Variants in ZNF891 observed in about 807,000 individuals in gnomAD.
ZNF891 encodes the protein zinc finger protein 891, also known as hCG1646157.
For synonymous variants in ZNF891, 199 were observed against 209.0 expected, an observed-to-expected ratio of 0.95 and a Z score of 0.41; for missense variants, 589 against 632.7, an observed-to-expected ratio of 0.93 and a Z score of 0.74.
chr12:133,119,998 C>T lies in ZNF891; in HGVS notation c.*286G>A, dbSNP rs1324415769. 8.1e-6 allele frequency: 2 copies of T among 246,394 alleles called. No individual in the cohort carries two copies. The highest frequency in any genetic ancestry group is 2.3e-5 in the African/African-American group (1 of 44,444). 15.3% of individuals were successfully genotyped at this position (246,394 alleles called of 1,614,324 possible). A position where few individuals can be genotyped will look rare whatever the true frequency, so the allele number is the denominator to read the frequency against. ...CAGAAAACAACTTTTATAAAAACAC[C>T]AACAAAGCAGTAAAATATAGTCCAG... is the stretch of plus-strand genomic sequence containing the variant. On this transcript the variant is annotated 3_prime_UTR_variant, in exon 2 of 2. Transcript: ENST00000537226.
rs1955708148 is a variant in ZNF891, at chr12:133,115,122, G to A, written c.*5162C>T. ...GTTTAAAAAGATGTTGGATAGGCTG[G>A]GGGCGATGGCCTCACAATCCCAACA... On this transcript the variant is annotated 3_prime_UTR_variant, in exon 2 of 2. Coordinates refer to ENST00000537226, the MANE Select transcript of ZNF891 (RefSeq NM_001277291.2). 1 of 152,030 alleles carries A rather than the reference G, an allele frequency of 6.6e-6. No individual in the cohort carries two copies. The highest frequency in any genetic ancestry group is 6.6e-5 in the Admixed American group (1 of 15,258). 9.4% of individuals were successfully genotyped at this position (152,030 alleles called of 1,614,324 possible). A position where few individuals can be genotyped will look rare whatever the true frequency, so the allele number is the denominator to read the frequency against.
chr12:133,120,289 G>A lies in ZNF891; in HGVS notation c.1630C>T (p.Leu544=). The change falls in exon 2 of 2, where the codon CTG becomes TTG. Residue 544 remains leucine, a synonymous_variant. Transcript: ENST00000537226. ...HKRIHTERET[L] ...CAATTCCACATTCATAACACTTACA[G>A]GGTTTCTCTCTCAGTATGAATTCTC... 1 of 1,531,082 alleles carries A rather than the reference G, an allele frequency of 6.5e-7. No individual in the cohort carries two copies. The highest frequency in any genetic ancestry group is 8.8e-7 in the Non-Finnish European group (1 of 1,141,250). 94.8% of individuals were successfully genotyped at this position (1,531,082 alleles called of 1,614,324 possible). A position where few individuals can be genotyped will look rare whatever the true frequency, so the allele number is the denominator to read the frequency against.
intron 1 of ZNF891, among the ~76,000 whole-genome samples, chr12:133,123,404 C>T (rs1318198272): frequency 1.3e-5 from 2 of 152,044 alleles, no homozygotes; most frequent in African/African-American, 2.4e-5. Context: ...ACACCCACAC[C>T]CTTCTTTCAA....
In ZNF891 at chr12:133,112,464, G is replaced by A. The variant is rs2137610038; in HGVS notation, c.*7820C>T. ...AGCCTCCCAGTAGCTGGGACTACAG[G>A]TGTGTGCCACCACGCCCAGCTAGTT... On this transcript the variant is annotated 3_prime_UTR_variant, in exon 2 of 2. Coordinates refer to ENST00000537226, the MANE Select transcript of ZNF891 (RefSeq NM_001277291.2). 1 of 152,622 alleles carries A rather than the reference G, an allele frequency of 6.6e-6. No homozygotes were observed. Among genetic ancestry groups the A allele is most frequent in the South Asian group, 2.1e-4 (1 of 4,832 alleles). 9.5% of individuals were successfully genotyped at this position (152,622 alleles called of 1,614,324 possible).
chr12:133,125,265 T>G (rs1051543132), intron 1 of ZNF891, among the ~76,000 whole-genome samples: 1 of 152,190 alleles, frequency 6.6e-6, no homozygotes, highest in African/African-American at 2.4e-5. Flanking sequence ...TCTGGCCTCC[T>G]GAATGGCTGG....
In ZNF891 at chr12:133,121,648, C is replaced by T. The variant is rs1355354552; in HGVS notation, c.271G>A (p.Val91Met). 3.9e-6 allele frequency: 6 copies of T among 1,536,280 alleles called. No individual in the cohort carries two copies. Among genetic ancestry groups the T allele is most frequent in the Non-Finnish European group, 5.2e-6 (6 of 1,146,948 alleles). ...SVEYQLYRLT[V>M]ISPLDQEEIR... Reference sequence around the variant, plus strand: ...TCTTCTTGATCCAATGGGGAGATCACAGTAAGCCTGTACAACTGATATTCC... The same window carrying T: ...TCTTCTTGATCCAATGGGGAGATCATAGTAAGCCTGTACAACTGATATTCC... The change falls in exon 2 of 2, where the codon GTG becomes ATG. Residue 91 changes from valine to methionine, a missense_variant. Physicochemically the swap from Val to Met is conservative, Grantham distance 21. Transcript: ENST00000537226.
chr12:133,127,747 G>C (rs764720805), intron 1 of ZNF891, among the ~76,000 whole-genome samples: 1 of 152,236 alleles, frequency 6.6e-6, no homozygotes, highest in Non-Finnish European at 1.5e-5. Flanking sequence ...GTATGCCAGC[G>C]TGCTGCATGC....
intron 1 of ZNF891, chr12:133,126,019 T>C: frequency 3.2e-6 from 1 of 313,704 alleles, no homozygotes; most frequent in Non-Finnish European, 6.3e-6. Context: ...AATAGGATGA[T>C]TGGTACACTG....
chr12:133,105,824 C>T lies in ZNF891; in HGVS notation c.*14460G>A, dbSNP rs1242012434. ...TTCCCTGGTGTTACACCAGAGGACT[C>T]ATACTGGAGAGAAACCATATGCATG... On this transcript the variant is annotated 3_prime_UTR_variant, in exon 2 of 2. Transcript: ENST00000537226. The T allele has an allele frequency of 6.2e-6, 10 of 1,614,064 alleles. No homozygotes were observed. Among genetic ancestry groups the T allele is most frequent in the Non-Finnish European group, 8.5e-6 (10 of 1,180,054 alleles).
rs2137615762 is a variant in ZNF891, at chr12:133,118,265, G to A, written c.*2019C>T. The A allele has an allele frequency of 6.6e-6, 1 of 152,266 alleles. No individual in the cohort carries two copies. The highest frequency in any genetic ancestry group is 6.5e-5 in the Admixed American group (1 of 15,274). The allele number at this position is 152,266 out of a possible 1,614,324, so 9.4% of individuals were successfully genotyped here. Reference sequence around the variant, plus strand: ...AACTTCACCTTCCTTTTTGAAACTTGTTTGTCTTGGTTCAGTGAAACTCCA... The same window carrying A: ...AACTTCACCTTCCTTTTTGAAACTTATTTGTCTTGGTTCAGTGAAACTCCA... On this transcript the variant is annotated 3_prime_UTR_variant, in exon 2 of 2. Coordinates refer to ENST00000537226, the MANE Select transcript of ZNF891 (RefSeq NM_001277291.2).
chr12:133,121,724 T>C lies in ZNF891; in HGVS notation c.195A>G (p.Arg65=), dbSNP rs1190678743. 1 of 1,536,728 alleles carries C rather than the reference T, an allele frequency of 6.5e-7. No individual in the cohort carries two copies. Among genetic ancestry groups the C allele is most frequent in the South Asian group, 1.2e-5 (1 of 84,056 alleles). ...CCAACATCACATCTCTGTACAGACTTCTTTGAGCAGAATCCAGCATCATCC... is the reference window on the plus strand; with the variant it reads ...CCAACATCACATCTCTGTACAGACTCCTTTGAGCAGAATCCAGCATCATCC... ...EEWMMLDSAQ[R]SLYRDVMLEN... is the part of the protein sequence containing the mutation. The change falls in exon 2 of 2, where the codon AGA becomes AGG. Residue 65 remains arginine, a synonymous_variant. Transcript: ENST00000537226.
At chr12:133,128,294 T>C (rs1955836184) in intron 1 of ZNF891, among the ~76,000 whole-genome samples, 2 of 152,194 alleles carry the variant, frequency 1.3e-5, no homozygotes, top group South Asian at 2.1e-4. Flanking sequence ...CACACATTTC[T>C]TGGAGCACAA....
In ZNF891 at chr12:133,121,225, T is replaced by C. The variant is rs1384178430; in HGVS notation, c.694A>G (p.Ile232Val). 8 of 1,535,458 alleles carry C rather than the reference T, an allele frequency of 5.2e-6. No homozygotes were observed. The highest frequency in any genetic ancestry group is 7.0e-6 in the Non-Finnish European group (8 of 1,146,792). ...ATAGAGTTTTTCACATAATTGTTTA[T>C]GATTGAATTGTGTTTCAAACATCCA... ...EIGCLKHNSIINNYVKNSISE... is the reference protein window; with the variant it reads ...EIGCLKHNSIVNNYVKNSISE... Residue 232 changes from isoleucine to valine, a missense_variant, in exon 2 of 2, where the codon ATA (isoleucine) becomes GTA (valine). Coordinates refer to ENST00000537226, the MANE Select transcript of ZNF891 (RefSeq NM_001277291.2).
At position 133,111,983 on chromosome 12, in the gene ZNF891, A is replaced by G. The variant is rs1955685480; in HGVS notation, c.*8301T>C. ...AAAATGTGATCTTTTTAAAACAAAT[A>G]ATTTCAATCTCTGAAAAACTTAAAT... is the stretch of plus-strand genomic sequence containing the variant. On this transcript the variant is annotated 3_prime_UTR_variant, in exon 2 of 2. Coordinates refer to ENST00000537226, the MANE Select transcript of ZNF891 (RefSeq NM_001277291.2). The G allele has an allele frequency of 6.6e-6, 1 of 152,134 alleles. No homozygotes were observed. Among genetic ancestry groups the G allele is most frequent in the South Asian group, 2.1e-4 (1 of 4,834 alleles). The allele number at this position is 152,134 out of a possible 1,614,324, so 9.4% of individuals were successfully genotyped here.
At position 133,118,690 on chromosome 12, in the gene ZNF891, A is replaced by G. The variant is rs1156817722; in HGVS notation, c.*1594T>C. 2.0e-5 allele frequency: 3 copies of G among 152,204 alleles called. No homozygotes were observed. The highest frequency in any genetic ancestry group is 1.9e-4 in the East Asian group (1 of 5,198). 9.4% of individuals were successfully genotyped at this position (152,204 alleles called of 1,614,324 possible). Reference sequence around the variant, plus strand: ...TGTCTGAAAACTTTCTGTAGTTCCAATGCTGAAATGTTGGGATACTCTTTT... The same window carrying G: ...TGTCTGAAAACTTTCTGTAGTTCCAGTGCTGAAATGTTGGGATACTCTTTT... On this transcript the variant is annotated 3_prime_UTR_variant, in exon 2 of 2. Coordinates refer to ENST00000537226, the MANE Select transcript of ZNF891 (RefSeq NM_001277291.2).
chr12:133,122,314 T>TA (rs1297235884), intron 1 of ZNF891: 10 of 753,096 alleles, frequency 1.3e-5, no homozygotes, highest in Admixed American at 6.2e-5. Flanking sequence ...AACCAACCAG[T>TA]AAAAAATGCA....
rs1955723496 is a variant in ZNF891 at position 133,117,750 on chromosome 12, T to C, written c.*2534A>G. On this transcript the variant is annotated 3_prime_UTR_variant, in exon 2 of 2. Transcript: ENST00000537226. Reference sequence around the variant, plus strand: ...CTTTCTCCTATTATTCAAACTTGTCTACATCCAGTCTTTACTTCTTTGCCC... The same window carrying C: ...CTTTCTCCTATTATTCAAACTTGTCCACATCCAGTCTTTACTTCTTTGCCC... 6.6e-6 allele frequency: 1 copy of C among 152,210 alleles called. No homozygotes were observed. Among genetic ancestry groups the C allele is most frequent in the Non-Finnish European group, 1.5e-5 (1 of 68,042 alleles). The allele number at this position is 152,210 out of a possible 1,614,324, so 9.4% of individuals were successfully genotyped here. A position where few individuals can be genotyped will look rare whatever the true frequency, so the allele number is the denominator to read the frequency against.
In ZNF891 at chr12:133,107,262, G is replaced by A. The variant is rs1186622972; in HGVS notation, c.*13022C>T. The A allele has an allele frequency of 6.6e-6, 1 of 152,178 alleles. No homozygotes were observed. Among genetic ancestry groups the A allele is most frequent in the Non-Finnish European group, 1.5e-5 (1 of 68,026 alleles). 9.4% of individuals were successfully genotyped at this position (152,178 alleles called of 1,614,324 possible). A position where few individuals can be genotyped will look rare whatever the true frequency, so the allele number is the denominator to read the frequency against. On this transcript the variant is annotated 3_prime_UTR_variant, in exon 2 of 2. Transcript: ENST00000537226. ...CCTATATCAGAGAATTACACTGTGG[G>A]AAAACTACCATTGTAATAAGTGTAG...
In ZNF891 at chr12:133,113,730, G is replaced by GT. The variant is rs1179794990; in HGVS notation, c.*6553dup. On this transcript the variant is annotated 3_prime_UTR_variant, in exon 2 of 2. Transcript: ENST00000537226. The stretch of plus-strand genomic sequence containing the variant: ...TACTGTCCCAAGTTTTTTTTGGTTT[G>GT]TTTTTGTTTTTAGACAGGGTCTTAC... The GT allele has an allele frequency of 1.3e-5, 2 of 151,984 alleles. No homozygotes were observed. Among genetic ancestry groups the GT allele is most frequent in the East Asian group, 3.9e-4 (2 of 5,166 alleles). The allele number at this position is 151,984 out of a possible 1,614,324, so 9.4% of individuals were successfully genotyped here. A position where few individuals can be genotyped will look rare whatever the true frequency, so the allele number is the denominator to read the frequency against.
Sources: allele counts gnomAD v4.1 joint callset (sites outside exome capture counted in the v4.1 genomes callset), GRCh38; gene constraint gnomAD v4.1.1; transcripts MANE v1.5; gene names NCBI Gene and HGNC (gene_info 2026-07-23, HGNC 2026-07-21).